Variants in NMNAT2 observed in about 807,000 individuals in gnomAD.
NMNAT2 encodes nicotinamide nucleotide adenylyltransferase 2.
In NMNAT2, 11 loss-of-function variants were observed where a neutral mutation model predicts 41.6. The observed-to-expected ratio is 0.26, with a 90% CI of 0.17 to 0.44. NMNAT2 has a LOEUF of 0.44. NMNAT2 is among the 20% of genes least tolerant of loss of function. NMNAT2 has a pLI of 1.00. For synonymous variants in NMNAT2, 148 were observed against 151.2 expected (o/e 0.98, Z 0.16); for missense variants, 288 against 407.7 (o/e 0.71, Z 2.53).
chr1:183,291,887 G>A (rs1390576372), intron 3 of NMNAT2, among the ~76,000 whole-genome samples: 1 of 152,212 alleles, frequency 6.6e-6, no homozygotes, highest in Non-Finnish European at 1.5e-5. Context: ...TAAAGGGCAT[G>A]TGCTTCTCAC....
chr1:183,255,394 GGGT>G (rs1660490049), intron 10 of NMNAT2, among the ~76,000 whole-genome samples: 1 of 151,974 alleles, frequency 6.6e-6, no homozygotes, highest in Non-Finnish European at 1.5e-5. Flanking sequence ...TGGCTATTCA[GGGT>G]CTTTTGCAGT....
intron 1 of NMNAT2, among the ~76,000 whole-genome samples, chr1:183,335,966 T>A (rs1662671819): frequency 6.6e-6 from 1 of 152,204 alleles, no homozygotes; most frequent in African/African-American, 2.4e-5. Flanking sequence ...GGGAGAGACC[T>A]TCACAACAAG....
At chr1:183,284,630 T>C (rs1305495266) in intron 6 of NMNAT2, 80 bp downstream of exon 6, 4 of 1,224,214 alleles carry the variant, frequency 3.3e-6, no homozygotes, top group Non-Finnish European at 4.8e-6. Context: ...GGAATGTGCT[T>C]GAGGATCTTT....
intron 1 of NMNAT2, among the ~76,000 whole-genome samples, chr1:183,332,000 C>T (rs1423479562): frequency 6.6e-6 from 1 of 151,820 alleles, no homozygotes; most frequent in African/African-American, 2.4e-5. Context: ...CCAGGCTGGC[C>T]TCGAACTCCT....
chr1:183,356,861 A>G (rs557790056), intron 1 of NMNAT2, among the ~76,000 whole-genome samples: 87 of 152,328 alleles, frequency 5.7e-4, no homozygotes, highest in Non-Finnish European at 3.7e-4. Context: ...CATGCATAGA[A>G]TCAGGTCTAC....
intron 1 of NMNAT2, among the ~76,000 whole-genome samples, chr1:183,397,525 A>T (rs1222194988): frequency 6.6e-6 from 1 of 152,220 alleles, no homozygotes; most frequent in African/African-American, 2.4e-5. Context: ...CCAACCCAGC[A>T]AGGTAGGCCA....
At chr1:183,418,101 C>A (rs949084671) in intron 1 of NMNAT2, 82 bp downstream of exon 1, 2 of 1,333,196 alleles carry the variant, frequency 1.5e-6, no homozygotes, top group Admixed American at 1.7e-5. Flanking sequence ...CACGCCTTCC[C>A]GTTCGATCGC....
intron 1 of NMNAT2, among the ~76,000 whole-genome samples, chr1:183,313,308 C>G (rs1413363232): frequency 2.0e-5 from 3 of 152,156 alleles, no homozygotes; most frequent in Non-Finnish European, 2.9e-5. Flanking sequence ...TGAGTAATTA[C>G]CCCTGAAGAG....
chr1:183,415,164 T>A (rs1394256592), intron 1 of NMNAT2, among the ~76,000 whole-genome samples: 1 of 152,150 alleles, frequency 6.6e-6, no homozygotes, highest in Admixed American at 6.5e-5. Flanking sequence ...ATATTTTTTG[T>A]AGAGATGGGG....
chr1:183,382,728 T>A (rs1185380120), intron 1 of NMNAT2, among the ~76,000 whole-genome samples: 1 of 152,226 alleles, frequency 6.6e-6, no homozygotes, highest in East Asian at 1.9e-4. Flanking sequence ...TAATTTCCTT[T>A]GACTCCATGT....
At chr1:183,271,045 A>G (rs1479183655) in intron 8 of NMNAT2, among the ~76,000 whole-genome samples, 1 of 152,206 alleles carries the variant, frequency 6.6e-6, no homozygotes, top group Non-Finnish European at 1.5e-5. Context: ...AATTAGAACC[A>G]GCCTGTGGAA....
intron 1 of NMNAT2, among the ~76,000 whole-genome samples, chr1:183,307,898 A>G (rs1662031889): frequency 6.6e-6 from 1 of 152,166 alleles, no homozygotes; most frequent in African/African-American, 2.4e-5. Flanking sequence ...AAGTATTCTG[A>G]GTAATGTAAG....
At chr1:183,291,915 A>G (rs148356093) in intron 3 of NMNAT2, among the ~76,000 whole-genome samples, 52 of 152,264 alleles carry the variant, frequency 3.4e-4, no homozygotes, top group African/African-American at 1.2e-3. Flanking sequence ...ACTGCGCACA[A>G]ATAGCAAGGA....
intron 1 of NMNAT2, among the ~76,000 whole-genome samples, chr1:183,388,592 A>G (rs1648330317): frequency 6.6e-6 from 1 of 152,222 alleles, no homozygotes; most frequent in Admixed American, 6.5e-5. Flanking sequence ...AAACTGTTAA[A>G]TGTTTGCAAC....
intron 1 of NMNAT2, among the ~76,000 whole-genome samples, chr1:183,407,780 G>A (rs550278400): frequency 3.3e-5 from 5 of 152,214 alleles, no homozygotes; most frequent in African/African-American, 1.2e-4. Context: ...TGATGCAATT[G>A]GTGTGCTAAT....
At chr1:183,391,449 T>G (rs1393607375) in intron 1 of NMNAT2, among the ~76,000 whole-genome samples, 2 of 152,188 alleles carry the variant, frequency 1.3e-5, no homozygotes, top group Non-Finnish European at 2.9e-5. Flanking sequence ...ATTTCTCCCT[T>G]CTCAGCCTTG....
intron 1 of NMNAT2, among the ~76,000 whole-genome samples, chr1:183,313,771 CCG>C (rs1337524722): frequency 1.3e-5 from 2 of 152,230 alleles, no homozygotes; most frequent in Non-Finnish European, 2.9e-5. Flanking sequence ...CAGGTGTGAG[CCG>C]CTGCGCCCAG....
intron 1 of NMNAT2, among the ~76,000 whole-genome samples, chr1:183,368,384 T>C (rs952453982): frequency 1.3e-5 from 2 of 152,172 alleles, no homozygotes; most frequent in African/African-American, 4.8e-5. Context: ...AGAGAAGTCT[T>C]TTCTCTTGAC....
chr1:183,319,003 A>AGCC (rs1165222266), intron 1 of NMNAT2, among the ~76,000 whole-genome samples: 2 of 152,224 alleles, frequency 1.3e-5, no homozygotes, highest in Non-Finnish European at 2.9e-5. Context: ...AGGGACTCAG[A>AGCC]GCCCCTGCAT....
Sources: gnomAD v4.1 joint callset for allele counts (sites outside exome capture counted in the v4.1 genomes callset) on GRCh38, gnomAD v4.1.1 for gene constraint, MANE v1.5 for transcripts, NCBI Gene and HGNC (gene_info 2026-07-23, HGNC 2026-07-21) for gene names.